Variants in DSCAML1 observed in about 807,000 individuals in gnomAD.
DSCAML1 encodes DS cell adhesion molecule like 1.
Under a neutral mutation model 200.5 loss-of-function variants are expected in DSCAML1, and 38 were observed. The ratio of observed to expected loss-of-function variants is 0.19; its 90% CI spans 0.15 to 0.25. DSCAML1 has a LOEUF of 0.25. Among genes scored for constraint, DSCAML1 ranks in the 10% least tolerant of loss-of-function variants. The probability of loss-of-function intolerance (pLI) is 1.00; values close to 1 mark genes in which losing one functional copy is unlikely to be tolerated. For synonymous variants in DSCAML1, 1,215 were observed against 1,165.0 expected (o/e 1.04, Z -0.87); for missense variants, 2,223 against 2,858.8 (o/e 0.78, Z 5.07).
At chr11:117,536,608 TC>T (rs2050175893) in intron 3 of DSCAML1, among the ~76,000 whole-genome samples, 1 of 152,196 alleles carries the variant, frequency 6.6e-6, no homozygotes, top group African/African-American at 2.4e-5. Flanking sequence ...AAAGAACTGT[TC>T]CACCCCAAAT....
At chr11:117,691,398 T>C (rs1490374609) in intron 3 of DSCAML1, among the ~76,000 whole-genome samples, 2 of 152,204 alleles carry the variant, frequency 1.3e-5, no homozygotes, top group African/African-American at 2.4e-5. Flanking sequence ...AACCCAATTT[T>C]GCATGTTTAC....
chr11:117,608,019 T>C (rs955832999), intron 3 of DSCAML1, among the ~76,000 whole-genome samples: 3 of 152,188 alleles, frequency 2.0e-5, no homozygotes, highest in African/African-American at 7.2e-5. Context: ...TCAGAGGGAA[T>C]GGGGGCTAAA....
intron 3 of DSCAML1, among the ~76,000 whole-genome samples, chr11:117,546,174 T>G (rs1425007233): frequency 6.6e-6 from 1 of 152,196 alleles, no homozygotes; most frequent in Non-Finnish European, 1.5e-5. Context: ...GAGATGGCAT[T>G]ACTGGAGAGA....
chr11:117,764,502 C>T (rs1005261971), intron 3 of DSCAML1, among the ~76,000 whole-genome samples: 4 of 152,326 alleles, frequency 2.6e-5, no homozygotes, highest in South Asian at 2.1e-4. Context: ...GCACCCATCA[C>T]GCACACAGGA....
intron 3 of DSCAML1, among the ~76,000 whole-genome samples, chr11:117,553,211 TA>T (rs1450033583): frequency 6.6e-6 from 1 of 152,176 alleles, no homozygotes; most frequent in Non-Finnish European, 1.5e-5. Flanking sequence ...AAACCTTCAT[TA>T]CACTGGATCT....
At chr11:117,687,162 C>A (rs971620070) in intron 3 of DSCAML1, among the ~76,000 whole-genome samples, 1 of 151,990 alleles carries the variant, frequency 6.6e-6, no homozygotes, top group African/African-American at 2.4e-5. Context: ...GAGGCCAGAG[C>A]GGGAGGAGGC....
chr11:117,530,710 GTCTC>G (rs1428831712), intron 4 of DSCAML1, among the ~76,000 whole-genome samples: 1 of 152,152 alleles, frequency 6.6e-6, no homozygotes, highest in Non-Finnish European at 1.5e-5. Context: ...CCTGGAGAGA[GTCTC>G]TGTGGGTCAG....
chr11:117,672,102 G>GGAAAAAAAAAGAAAAAAAAAAAAAA (rs1555196987), intron 3 of DSCAML1, among the ~76,000 whole-genome samples: 1 of 94,508 alleles, frequency 1.1e-5, no homozygotes, highest in Non-Finnish European at 2.0e-5. Context: ...CTCCAGCTCA[G>GGAAAAAAAAAGAAAAAAAAAAAAAA]AAAAAAAAAA....
At chr11:117,617,493 G>A (rs897487921) in intron 3 of DSCAML1, among the ~76,000 whole-genome samples, 1 of 152,134 alleles carries the variant, frequency 6.6e-6, no homozygotes, top group Admixed American at 6.5e-5. Context: ...GGATGCCTGC[G>A]ATATTTTATA....
intron 3 of DSCAML1, among the ~76,000 whole-genome samples, chr11:117,612,947 A>G (rs1308705114): frequency 2.6e-5 from 4 of 152,084 alleles, no homozygotes; most frequent in Non-Finnish European, 5.9e-5. Flanking sequence ...TGGGCAAGTC[A>G]CTTTCCATCC....
At chr11:117,748,312 C>A (rs10892167) in intron 3 of DSCAML1, among the ~76,000 whole-genome samples, 119,838 of 152,130 alleles carry the variant, frequency 0.79, 51,006 homozygotes, top group Non-Finnish European at 0.94. Flanking sequence ...CCATTAGAAA[C>A]GTCACACTGA....
At chr11:117,716,156 G>T (rs576496303) in intron 3 of DSCAML1, among the ~76,000 whole-genome samples, 4 of 152,332 alleles carry the variant, frequency 2.6e-5, no homozygotes, top group Admixed American at 2.6e-4. Flanking sequence ...CAAAGGCCAG[G>T]GTTGCTTCCA....
rs1031632915 is a variant in DSCAML1, at chr11:117,480,361, T to G, written c.2785+82A>C. 7 of 1,575,372 alleles carry G rather than the reference T, an allele frequency of 4.4e-6. No individual in the cohort carries two copies. The highest frequency in any genetic ancestry group is 2.7e-5 in the African/African-American group (2 of 74,310). On this transcript the variant is annotated intron_variant, in intron 14 of 32. Transcript: ENST00000651296. The surrounding 1 kb of genome is among the most constrained non-coding windows in gnomAD (Gnocchi z 4.1). ...GGGCAGCCCTAAGGCTCAGGGGCTC[T>G]CCTCCCAGAGGGCACAGGCAGGACA... is the stretch of plus-strand genomic sequence containing the variant.
intron 3 of DSCAML1, among the ~76,000 whole-genome samples, chr11:117,771,125 C>T (rs557524448): frequency 1.3e-5 from 2 of 152,162 alleles, no homozygotes; most frequent in South Asian, 2.1e-4. Flanking sequence ...TTTCCAGCAC[C>T]GGCACCACCT....
chr11:117,594,079 G>A (rs1271192255), intron 3 of DSCAML1, among the ~76,000 whole-genome samples: 1 of 152,130 alleles, frequency 6.6e-6, no homozygotes, highest in East Asian at 1.9e-4. Flanking sequence ...TGGTTATCTA[G>A]GGAAGTAAAC....
intron 3 of DSCAML1, among the ~76,000 whole-genome samples, chr11:117,615,827 T>A (rs908181337): frequency 6.6e-6 from 1 of 152,188 alleles, no homozygotes; most frequent in African/African-American, 2.4e-5. Context: ...CAGTGGCCCT[T>A]GGGTCTTTGA....
intron 3 of DSCAML1, among the ~76,000 whole-genome samples, chr11:117,548,098 G>A (rs2050408430): frequency 6.6e-6 from 1 of 152,228 alleles, no homozygotes; most frequent in Admixed American, 6.5e-5. Flanking sequence ...TAGAGAGTAA[G>A]CCCTTGAGGG....
chr11:117,675,806 G>A (rs559270644), intron 3 of DSCAML1, among the ~76,000 whole-genome samples: 1 of 152,270 alleles, frequency 6.6e-6, no homozygotes, highest in South Asian at 2.1e-4. Context: ...CAGCGGCTCT[G>A]AAAGTAACCC....
At chr11:117,710,638 T>A (rs80199513) in intron 3 of DSCAML1, among the ~76,000 whole-genome samples, 3,217 of 152,246 alleles carry the variant, frequency 0.021, 58 homozygotes, top group Middle Eastern at 0.092. Flanking sequence ...ATCTGTAAAA[T>A]TAGGATAATT....
Sources: gnomAD v4.1 joint callset for allele counts (sites outside exome capture counted in the v4.1 genomes callset) on GRCh38, gnomAD v4.1.1 for gene constraint, Gnocchi (gnomAD v3.1) non-coding constraint, MANE v1.5 for transcripts, NCBI Gene and HGNC (gene_info 2026-07-23, HGNC 2026-07-21) for gene names.